FHIT: variants seen among roughly 807,000 people sequenced by gnomAD.
FHIT encodes the protein fragile histidine triad diadenosine triphosphatase, also known as bis(5'-adenosyl)-triphosphatase.
FHIT carries 19 observed loss-of-function variants against 17.9 expected under a neutral mutation model. The ratio of observed to expected loss-of-function variants is 1.06; its 90% CI spans 0.74 to 1.56. The LOEUF (loss-of-function observed/expected upper bound fraction) is 1.56, where lower values mean the gene tolerates loss of function less well. Ranked by LOEUF, FHIT falls within the 40% of genes most tolerant of loss-of-function variation. FHIT has a pLI of 0.00. For synonymous variants in FHIT, 81 were observed against 69.7 expected (o/e 1.16, Z -0.81); for missense variants, 248 against 189.2 (o/e 1.31, Z -1.82).
chr3:59,946,833 G>T (rs889801920), intron 7 of FHIT, among the ~76,000 whole-genome samples: 1 of 151,956 alleles, frequency 6.6e-6, no homozygotes, highest in African/African-American at 2.4e-5. Flanking sequence ...TGTATATATT[G>T]AGTCAACCTT....
intron 5 of FHIT, among the ~76,000 whole-genome samples, chr3:60,438,663 G>GTTGTTA (rs2030512721): frequency 6.6e-6 from 1 of 152,108 alleles, no homozygotes; most frequent in African/African-American, 2.4e-5. Context: ...CAACTTGACA[G>GTTGTTA]TTCAAATTTA....
At chr3:59,859,528 G>A (rs1311010607) in intron 8 of FHIT, among the ~76,000 whole-genome samples, 1 of 152,154 alleles carries the variant, frequency 6.6e-6, no homozygotes, top group Non-Finnish European at 1.5e-5. Flanking sequence ...GCCCAGCCTG[G>A]CCAACATGGT....
intron 5 of FHIT, among the ~76,000 whole-genome samples, chr3:60,159,445 G>T (rs1327710730): frequency 2.6e-5 from 4 of 151,984 alleles, no homozygotes; most frequent in African/African-American, 9.7e-5. Context: ...ATATAGAAAG[G>T]GTAAGATTCT....
At chr3:60,289,067 C>A (rs1180956306) in intron 5 of FHIT, among the ~76,000 whole-genome samples, 1 of 152,142 alleles carries the variant, frequency 6.6e-6, no homozygotes, top group African/African-American at 2.4e-5. Flanking sequence ...TTCATAAACA[C>A]TCTCCACAAA....
intron 4 of FHIT, among the ~76,000 whole-genome samples, chr3:60,736,888 A>C (rs1220415007): frequency 6.6e-6 from 1 of 152,222 alleles, no homozygotes; most frequent in Non-Finnish European, 1.5e-5. Context: ...TGATGATAAC[A>C]ATATTAAAGT....
At position 60,018,793 on chromosome 3, in the gene FHIT, C is replaced by T. The variant is rs528975366; in HGVS notation, c.104-4641G>A. Among the ~76,000 whole-genome samples, 19 of 151,798 alleles carry T rather than the reference C, an allele frequency of 1.3e-4. No homozygotes were observed. The East Asian group carries it at 2.8e-3, about 22-fold the overall frequency. On this transcript the variant is annotated intron_variant, in intron 5 of 9. Coordinates refer to ENST00000492590, the MANE Select transcript of FHIT (RefSeq NM_002012.4). ...AGCAGTTCAAGACCAGCCTGGCCAA[C>T]GTGGTGAAACCCCATCTCTACTAAA... is the stretch of plus-strand genomic sequence containing the variant.
intron 5 of FHIT, among the ~76,000 whole-genome samples, chr3:60,390,396 T>TGAAAAAAAAAAAAAAAAAAA (rs1701174274): frequency 9.4e-5 from 3 of 32,028 alleles, no homozygotes; most frequent in African/African-American, 3.7e-4. Context: ...GTAATGGAGC[T>TGAAAAAAAAAAAAAAAAAAA]AAAAAAAAAA....
intron 3 of FHIT, among the ~76,000 whole-genome samples, chr3:60,972,093 T>C (rs1324144636): frequency 9.9e-5 from 15 of 152,200 alleles, no homozygotes; most frequent in Admixed American, 9.2e-4. Context: ...TATCTTTAGT[T>C]ATAGGACTTA....
intron 4 of FHIT, among the ~76,000 whole-genome samples, chr3:60,764,439 C>G (rs573098218): frequency 1.3e-5 from 2 of 151,704 alleles, no homozygotes; most frequent in South Asian, 4.1e-4. Flanking sequence ...GGTGGATGAA[C>G]TGCATTAACA....
chr3:60,013,885 TGGCTGCTACC>T, intron 6 of FHIT, 112 bp downstream of exon 6: 2 of 1,017,102 alleles, frequency 2.0e-6, no homozygotes, highest in Admixed American at 2.3e-5. Context: ...TCTCTTTTTT[TGGCTGCTACC>T]TAAAATACAA....
chr3:60,878,439 G>A (rs1553757024), intron 3 of FHIT, among the ~76,000 whole-genome samples: 1 of 151,910 alleles, frequency 6.6e-6, no homozygotes, highest in Admixed American at 6.6e-5. Context: ...GACCCCAAAA[G>A]CCCTGCCACT....
At chr3:60,660,027 A>G (rs2040203660) in intron 4 of FHIT, among the ~76,000 whole-genome samples, 1 of 152,152 alleles carries the variant, frequency 6.6e-6, no homozygotes, top group Non-Finnish European at 1.5e-5. Context: ...GTGAGCCTGC[A>G]TCTTTCTCTA....
At chr3:60,108,877 G>A (rs1409622564) in intron 5 of FHIT, among the ~76,000 whole-genome samples, 3 of 151,970 alleles carry the variant, frequency 2.0e-5, no homozygotes, top group South Asian at 2.1e-4. Context: ...TGGTCAGGCT[G>A]GTCTCGTACT....
At chr3:60,962,743 C>T (rs781884336) in intron 3 of FHIT, among the ~76,000 whole-genome samples, 12 of 152,134 alleles carry the variant, frequency 7.9e-5, no homozygotes, top group South Asian at 4.1e-4. Context: ...TATTGATTTG[C>T]GTATGTGAAC....
At chr3:60,866,875 A>G (rs1209201471) in intron 3 of FHIT, among the ~76,000 whole-genome samples, 2 of 152,146 alleles carry the variant, frequency 1.3e-5, no homozygotes, top group African/African-American at 4.8e-5. Flanking sequence ...CTTGATGAAT[A>G]ACTGGGTTCC....
At chr3:60,355,579 TA>T (rs1268683012) in intron 5 of FHIT, among the ~76,000 whole-genome samples, 10 of 152,266 alleles carry the variant, frequency 6.6e-5, no homozygotes, top group African/African-American at 2.4e-4. Flanking sequence ...AAATTGCTAT[TA>T]AAAAAACTAA....
intron 7 of FHIT, among the ~76,000 whole-genome samples, chr3:59,965,682 TGAAA>T: frequency 6.6e-6 from 1 of 152,336 alleles, no homozygotes; most frequent in South Asian, 2.1e-4. Context: ...AAGTGATTCT[TGAAA>T]TGAACTTTTT....
chr3:60,593,365 T>C (rs1553665088), intron 4 of FHIT, among the ~76,000 whole-genome samples: 1 of 152,142 alleles, frequency 6.6e-6, no homozygotes, highest in Non-Finnish European at 1.5e-5. Flanking sequence ...TTCTCTATAA[T>C]AATTTTCTCT....
intron 8 of FHIT, among the ~76,000 whole-genome samples, chr3:59,863,014 G>A (rs989035731): frequency 2.0e-5 from 3 of 152,204 alleles, no homozygotes; most frequent in Non-Finnish European, 4.4e-5. Flanking sequence ...ACAACAGCCA[G>A]AATGTAATAG....
Sources: gnomAD v4.1 joint callset for allele counts (sites outside exome capture counted in the v4.1 genomes callset) on GRCh38, gnomAD v4.1.1 for gene constraint, MANE v1.5 for transcripts, NCBI Gene and HGNC (gene_info 2026-07-23, HGNC 2026-07-21) for gene names.